MMP26: variants seen among roughly 807,000 people sequenced by gnomAD.
MMP26 encodes the protein matrix metallopeptidase 26, also known as matrix metalloproteinase-26.
Under a neutral mutation model 31.0 loss-of-function variants are expected in MMP26, and 33 were observed. The ratio of observed to expected loss-of-function variants is 1.06; its 90% CI spans 0.81 to 1.42. The LOEUF (loss-of-function observed/expected upper bound fraction) is 1.42. MMP26 is among the 40% of genes most tolerant of loss of function. MMP26 has a pLI of 0.00. For missense variants in MMP26, 347 were observed against 316.1 expected, an observed-to-expected ratio of 1.10 and a Z score of -0.74; for synonymous variants, 122 against 114.9, an observed-to-expected ratio of 1.06 and a Z score of -0.40.
intron 2 of MMP26, among the ~76,000 whole-genome samples, chr11:4,857,394 T>A (rs1162178863): frequency 6.6e-6 from 1 of 151,752 alleles, no homozygotes; most frequent in Non-Finnish European, 1.5e-5. Flanking sequence ...AAAGGGGATA[T>A]CACCACCAAT....
At chr11:4,841,544 T>A (rs761044392) in intron 2 of MMP26, among the ~76,000 whole-genome samples, 2 of 152,130 alleles carry the variant, frequency 1.3e-5, no homozygotes, top group African/African-American at 4.8e-5. Flanking sequence ...AAGAATAATA[T>A]ATCCAGTGAA....
rs375403407 is a variant in MMP26, at chr11:4,991,950, C to G, written c.596-14C>G. 19 of 1,536,694 alleles carry G rather than the reference C, an allele frequency of 1.2e-5. No homozygotes were observed. Among genetic ancestry groups the G allele is most frequent in the Non-Finnish European group, 1.6e-5 (18 of 1,147,224 alleles). ...ATAGTTAATTTTATCTTTTTTTTTT[C>G]TATAATTTTTCAGGATATAATCTGT... On this transcript the variant is annotated splice_polypyrimidine_tract_variant and intron_variant, in intron 6 of 7. Coordinates refer to ENST00000380390, the MANE Select transcript of MMP26 (RefSeq NM_021801.5).
chr11:4,718,810 A>G lies in MMP26; in HGVS notation c.-217+13765A>G, dbSNP rs150167756. On this transcript the variant is annotated intron_variant, in intron 1 of 7. Transcript: ENST00000380390. The stretch of plus-strand genomic sequence containing the variant: ...CGAACCCATGTATTATTTCCTCTCC[A>G]TGCTGTCCACCACTGACCTCGGCCT... 34 of 158,778 alleles carry G rather than the reference A, an allele frequency of 2.1e-4. No individual in the cohort carries two copies. In the East Asian group the frequency reaches 5.7e-3, roughly 27 times the overall value. 9.8% of individuals were successfully genotyped at this position (158,778 alleles called of 1,614,324 possible).
chr11:4,848,474 A>C, intron 2 of MMP26: 1 of 1,613,608 alleles, frequency 6.2e-7, no homozygotes, highest in Non-Finnish European at 8.5e-7. Context: ...CACAGGTTTG[A>C]CCAGCCTTCC....
chr11:4,856,527 C>T (rs1298178632), intron 2 of MMP26, among the ~76,000 whole-genome samples: 1 of 152,150 alleles, frequency 6.6e-6, no homozygotes, highest in Non-Finnish European at 1.5e-5. Flanking sequence ...GCTAACTGTC[C>T]TAAATATATA....
intron 2 of MMP26, chr11:4,908,330 A>C: frequency 6.3e-7 from 1 of 1,596,536 alleles, no homozygotes; most frequent in Non-Finnish European, 8.6e-7. Context: ...ATTAGGTAAT[A>C]AATTATCAAC....
intron 2 of MMP26, among the ~76,000 whole-genome samples, chr11:4,975,890 TAC>T (rs1846730671): frequency 6.6e-6 from 1 of 152,106 alleles, no homozygotes; most frequent in Non-Finnish European, 1.5e-5. Context: ...TTAATCAACG[TAC>T]ACTTTTTAAA....
At chr11:4,707,291 G>C (rs893282181) in intron 1 of MMP26, among the ~76,000 whole-genome samples, 1 of 152,108 alleles carries the variant, frequency 6.6e-6, no homozygotes, top group East Asian at 1.9e-4. Context: ...GTAATGTTGA[G>C]CATCTTTTTA....
Position 4,814,940 on chromosome 11 carries a change from C to G in MMP26, c.-145+47599C>G, listed in dbSNP as rs540157448. ...GCACAGCTTCAGGAGGTCCTGACGA[C>G]TTGTGCCCAACAGAGTCAGGGTACA... On this transcript the variant is annotated intron_variant, in intron 2 of 7. Coordinates refer to ENST00000380390, the MANE Select transcript of MMP26 (RefSeq NM_021801.5). Among the ~76,000 whole-genome samples, 12 of 152,328 alleles carry G rather than the reference C, an allele frequency of 7.9e-5. 1 individual carries two copies. In the South Asian group the frequency reaches 2.1e-3, roughly 26 times the overall value.
chr11:4,769,791 CAG>C, intron 2 of MMP26: 1 of 1,613,526 alleles, frequency 6.2e-7, no homozygotes, highest in Non-Finnish European at 8.5e-7. Flanking sequence ...ACGCTGTTCC[CAG>C]AGAGGGCAAT....
intron 1 of MMP26, among the ~76,000 whole-genome samples, chr11:4,766,706 TCCC>T (rs1848634292): frequency 6.3e-5 from 3 of 47,258 alleles, no homozygotes; most frequent in Non-Finnish European, 8.5e-5. Flanking sequence ...CCTCCCTCCC[TCCC>T]TCCCTCCCTT....
chr11:4,987,670 G>A (rs1846925770), intron 2 of MMP26, among the ~76,000 whole-genome samples: 1 of 152,036 alleles, frequency 6.6e-6, no homozygotes, highest in African/African-American at 2.4e-5. Flanking sequence ...GCCCTCCTCG[G>A]CCTCCCAAAG....
At chr11:4,804,577 T>C (rs1476877898) in intron 2 of MMP26, 2 of 764,892 alleles carry the variant, frequency 2.6e-6, no homozygotes, top group Admixed American at 3.4e-5. Flanking sequence ...GATGTTACTG[T>C]TGTTTTTCGT....
intron 2 of MMP26, among the ~76,000 whole-genome samples, chr11:4,804,820 A>G (rs1849243611): frequency 6.6e-6 from 1 of 151,252 alleles, no homozygotes; most frequent in Non-Finnish European, 1.5e-5. Flanking sequence ...AAAAAACCCC[A>G]TTAGCCAGGC....
intron 2 of MMP26, among the ~76,000 whole-genome samples, chr11:4,987,410 TTTTTTTG>T (rs1326794783): frequency 6.6e-6 from 1 of 151,924 alleles, no homozygotes; most frequent in Admixed American, 6.6e-5. Context: ...TTTTGTGGTT[TTTTTTTG>T]TTTTTTGTTT....
chr11:4,767,620 G>T (rs7951510), intron 2 of MMP26, among the ~76,000 whole-genome samples: 2,049 of 151,982 alleles, frequency 0.013, 50 homozygotes, highest in African/African-American at 0.046. Context: ...ATATTTAAAA[G>T]AATTTTTACC....
chr11:4,768,749 G>A (rs1314399326), intron 2 of MMP26, among the ~76,000 whole-genome samples: 1 of 152,150 alleles, frequency 6.6e-6, no homozygotes, highest in African/African-American at 2.4e-5. Context: ...TAATTGCCAG[G>A]AGTATTATTT....
In MMP26 at chr11:4,897,681, CAG is replaced by C. The variant is rs1039769392; in HGVS notation, c.-144-90384_-144-90383del. Among the ~76,000 whole-genome samples the C allele has an allele frequency of 9.3e-5, 14 of 151,242 alleles. 1 individual carries two copies. The highest frequency in any genetic ancestry group is 8.5e-4 in the Admixed American group (13 of 15,210). On this transcript the variant is annotated intron_variant, in intron 2 of 7. Coordinates refer to ENST00000380390, the MANE Select transcript of MMP26 (RefSeq NM_021801.5). ...CTTGTTTGTATTTTTTTTTTCAAAA[CAG>C]AGTTGATCCTTAGAGTACGAATCCT... is the stretch of plus-strand genomic sequence containing the variant.
chr11:4,729,998 T>TTTTTTTTTTTTTTTTTTTGAGACG (rs1372068573), intron 1 of MMP26, among the ~76,000 whole-genome samples: 1 of 151,802 alleles, frequency 6.6e-6, no homozygotes. Flanking sequence ...CCCTCATTTT[T>TTTTTTTTTTTTTTTTTTTGAGACG]GTAGCTGGTC....
Sources: allele counts gnomAD v4.1 joint callset (sites outside exome capture counted in the v4.1 genomes callset), GRCh38; gene constraint gnomAD v4.1.1; transcripts MANE v1.5; gene names NCBI Gene and HGNC (gene_info 2026-07-23, HGNC 2026-07-21).